Variants in CRYBG3 observed in about 807,000 individuals in gnomAD.
CRYBG3 encodes the protein very large A-kinase anchor protein.
Under a neutral mutation model 244.2 loss-of-function variants are expected in CRYBG3, and 127 were observed. The observed-to-expected ratio is 0.52, with a 90% CI of 0.45 to 0.60. The LOEUF is 0.60. Ranked by LOEUF, CRYBG3 falls within the 20% of genes least tolerant of loss-of-function variation. The pLI, the probability that CRYBG3 is intolerant of heterozygous loss-of-function variation, is 0.00. For synonymous variants in CRYBG3, 1,132 were observed against 1,195.8 expected (o/e 0.95, Z 1.10); for missense variants, 3,325 against 3,442.5 (o/e 0.97, Z 0.85).
intron 15 of CRYBG3, among the ~76,000 whole-genome samples, chr3:97,910,644 G>C (rs1295290102): frequency 6.6e-6 from 1 of 152,202 alleles, no homozygotes; most frequent in African/African-American, 2.4e-5. Context: ...TGGGCCCACT[G>C]TCTGGCACTC....
At chr3:97,888,766 C>A (rs1250434821) in intron 9 of CRYBG3, among the ~76,000 whole-genome samples, 1 of 152,092 alleles carries the variant, frequency 6.6e-6, no homozygotes, top group Non-Finnish European at 1.5e-5. Context: ...CGTGGAGTAG[C>A]ACTTGAAACA....
intron 2 of CRYBG3, among the ~76,000 whole-genome samples, chr3:97,850,736 T>C (rs1012897485): frequency 7.9e-5 from 12 of 152,174 alleles, no homozygotes; most frequent in Non-Finnish European, 2.9e-5. Flanking sequence ...CTTTACAAAT[T>C]TAGTTGTAAA....
intron 8 of CRYBG3, among the ~76,000 whole-genome samples, chr3:97,887,424 A>T (rs1304152865): frequency 2.6e-5 from 4 of 152,182 alleles, no homozygotes. Flanking sequence ...CTGTAGGACA[A>T]CATTTTTGTC....
chr3:97,878,270 G>A (rs1417618896), intron 4 of CRYBG3, among the ~76,000 whole-genome samples: 1 of 152,136 alleles, frequency 6.6e-6, no homozygotes, highest in Admixed American at 6.5e-5. Context: ...AATTAGCCGG[G>A]CATGGTGGCG....
chr3:97,840,877 T>C (rs775047141), intron 1 of CRYBG3, among the ~76,000 whole-genome samples: 14 of 152,060 alleles, frequency 9.2e-5, no homozygotes, highest in Non-Finnish European at 1.9e-4. Flanking sequence ...CTTTATAACA[T>C]GATCTTTTTA....
At chr3:97,938,704 T>C (rs148361023) in intron 19 of CRYBG3, among the ~76,000 whole-genome samples, 402 of 152,130 alleles carry the variant, frequency 2.6e-3, no homozygotes, top group African/African-American at 9.4e-3. Context: ...TTACATCTCA[T>C]TGCTGTGACG....
chr3:97,905,418 T>G (rs1176465822), intron 15 of CRYBG3, among the ~76,000 whole-genome samples: 1 of 151,634 alleles, frequency 6.6e-6, no homozygotes, highest in Non-Finnish European at 1.5e-5. Context: ...GTTTCCTGAC[T>G]TTTTAATGAT....
rs867654724 is a variant in CRYBG3 at position 97,875,671 on chromosome 3, A to G, written c.4477A>G (p.Lys1493Glu). ...NDDIHAPGTS[K>E]SSLSDSLVCI... ...TGACATCCATGCACCTGGTACATCT[A>G]AAAGCAGTTTGTCTGATAGCCTTGT... The change falls in exon 4 of 22, where the codon AAA becomes GAA. Residue 1493 changes from lysine to glutamate, a missense_variant. This residue lies in a region of CRYBG3 where 635 missense variants were observed against 771.7 expected (regional missense o/e 0.82). Transcript: ENST00000389622. 8.1e-7 allele frequency: 1 copy of G among 1,233,434 alleles called. No homozygotes were observed. The highest frequency in any genetic ancestry group is 1.0e-6 in the Non-Finnish European group (1 of 989,042). The allele number at this position is 1,233,434 out of a possible 1,614,324, so 76.4% of individuals were successfully genotyped here. A position where few individuals can be genotyped will look rare whatever the true frequency, so the allele number is the denominator to read the frequency against.
chr3:97,926,901 G>T (rs754744782), intron 17 of CRYBG3, among the ~76,000 whole-genome samples: 4 of 151,900 alleles, frequency 2.6e-5, no homozygotes, highest in Non-Finnish European at 5.9e-5. Flanking sequence ...ACAGAACACT[G>T]CTGAAAGAAC....
intron 3 of CRYBG3, among the ~76,000 whole-genome samples, chr3:97,870,657 TA>T (rs1559726058): frequency 6.6e-6 from 1 of 152,192 alleles, no homozygotes; most frequent in African/African-American, 2.4e-5. Context: ...GTTCAAAATG[TA>T]AAACATTTTG....
chr3:97,890,509 T>C (rs977909684), intron 10 of CRYBG3, among the ~76,000 whole-genome samples: 3 of 152,154 alleles, frequency 2.0e-5, no homozygotes, highest in African/African-American at 7.2e-5. Context: ...TTGATATTAA[T>C]TTGTGGCTTT....
At chr3:97,822,404 G>A (rs969254976) in intron 1 of CRYBG3, 49 bp downstream of exon 1, 31 of 1,410,700 alleles carry the variant, frequency 2.2e-5, no homozygotes, top group Non-Finnish European at 2.7e-5. Context: ...ATATTCGCGG[G>A]ATGAAGGCTC....
At chr3:97,861,661 G>A (rs763561225) in intron 2 of CRYBG3, among the ~76,000 whole-genome samples, 2 of 152,054 alleles carry the variant, frequency 1.3e-5, no homozygotes, top group Admixed American at 6.6e-5. Context: ...TGAACATTTT[G>A]TTAATGTTTG....
At chr3:97,935,972 T>C (rs1052996201) in intron 18 of CRYBG3, among the ~76,000 whole-genome samples, 7 of 152,088 alleles carry the variant, frequency 4.6e-5, no homozygotes, top group African/African-American at 1.7e-4. Context: ...TGCTGAGAAT[T>C]TCAGGTGCTC....
In CRYBG3 at chr3:97,873,138, A is replaced by C. The variant is rs1190068754; in HGVS notation, c.1944A>C (p.Lys648Asn). The C allele has an allele frequency of 6.5e-7, 1 of 1,535,812 alleles. No homozygotes were observed. The highest frequency in any genetic ancestry group is 1.4e-5 in the African/African-American group (1 of 73,144). Residue 648 changes from lysine to asparagine, a missense_variant, in exon 4 of 22, where the codon AAA (lysine) becomes AAC (asparagine). Physicochemically the swap from Lys to Asn is moderately conservative, Grantham distance 94 (BLOSUM62 0). This residue lies in a region of CRYBG3 where 1,526 missense variants were observed against 1,443.2 expected (regional missense o/e 1.06). Transcript: ENST00000389622. ...AAACATCTCTTAGCCTTGACTGTAA[A>C]AAACTAAATTTCAGTATTTCACCTC... ...DAKTSLSLDC[K>N]KLNFSISPPT...
intron 15 of CRYBG3, among the ~76,000 whole-genome samples, chr3:97,910,361 G>A (rs1316848619): frequency 6.6e-5 from 10 of 152,202 alleles, no homozygotes. Flanking sequence ...CTGCCGCCTT[G>A]CAGTTTGTTC....
At chr3:97,837,881 T>A (rs1373198508) in intron 1 of CRYBG3, among the ~76,000 whole-genome samples, 1 of 152,080 alleles carries the variant, frequency 6.6e-6, no homozygotes, top group Non-Finnish European at 1.5e-5. Flanking sequence ...ATTTCCCTGA[T>A]GCAGTCACAG....
rs1576537091 is a variant in CRYBG3, at chr3:97,874,326, CAGAA to C, written c.3140_3143del (p.Lys1047ArgfsTer6). ...AATTGGAAAAGAAATCCTCATCTTA[CAGAA>C]AGAAAGAGAACATCCATTTTTTAAA... On this transcript the variant is annotated frameshift_variant, in exon 4 of 22. Coordinates refer to ENST00000389622, the MANE Select transcript of CRYBG3 (RefSeq NM_153605.4). LOFTEE classifies it high-confidence loss of function. 3 of 1,527,374 alleles carry C rather than the reference CAGAA, an allele frequency of 2.0e-6. No homozygotes were observed. The highest frequency in any genetic ancestry group is 1.2e-5 in the South Asian group (1 of 81,694). The allele number at this position is 1,527,374 out of a possible 1,614,324, so 94.6% of individuals were successfully genotyped here.
intron 2 of CRYBG3, among the ~76,000 whole-genome samples, chr3:97,853,340 C>A (rs2039015644): frequency 6.6e-6 from 1 of 151,888 alleles, no homozygotes; most frequent in Non-Finnish European, 1.5e-5. Context: ...GCCATTATTT[C>A]ATTCCTTTTT....
Sources: gnomAD v4.1 joint callset for allele counts (sites outside exome capture counted in the v4.1 genomes callset) on GRCh38, gnomAD v4.1.1 for gene constraint, gnomAD v4.1.1 regional missense constraint, MANE v1.5 for transcripts, NCBI Gene and HGNC (gene_info 2026-07-23, HGNC 2026-07-21) for gene names.